Variants in ZC3H3 observed in about 807,000 individuals in gnomAD.
The protein encoded by ZC3H3 is zinc finger CCCH domain-containing protein 3.
A neutral mutation model predicts 77.3 loss-of-function variants in ZC3H3; 36 were observed. The observed-to-expected ratio is 0.47, with a 90% CI of 0.36 to 0.61. ZC3H3 has a LOEUF of 0.61. Ranked by LOEUF, ZC3H3 falls within the 20% of genes least tolerant of loss-of-function variation. The pLI, the probability that ZC3H3 is intolerant of heterozygous loss-of-function variation, is 0.00. For missense variants in ZC3H3, 1,331 were observed against 1,312.2 expected, an observed-to-expected ratio of 1.01 and a Z score of -0.22; for synonymous variants, 626 against 555.2, an observed-to-expected ratio of 1.13 and a Z score of -1.79.
rs754359844 is a variant in ZC3H3, at chr8:143,441,071, G to A, written c.2357C>T (p.Ala786Val). The change falls in exon 10 of 12, where the codon GCG becomes GTG. Residue 786 changes from alanine (A) to valine (V), a missense_variant. By Grantham distance (64) the Ala-to-Val change is moderately conservative. Around this residue, in one of 3 missense-constraint regions of ZC3H3, gnomAD observed 249 missense variants for 236.9 expected, o/e 1.05. Coordinates refer to ENST00000262577, the MANE Select transcript of ZC3H3 (RefSeq NM_015117.3). ...CTGGCACTGGGCGCCGCGGGGACAC[G>A]CCCCCCTGCGGGCAAAGTCGGGGCA... ...LLCPDFARRG[A>V]CPRGAQCQLL... The A allele has an allele frequency of 7.5e-6, 11 of 1,470,214 alleles. No homozygotes were observed. The highest frequency in any genetic ancestry group is 1.7e-4 in the Middle Eastern group (1 of 5,722). The allele number at this position is 1,470,214 out of a possible 1,614,324, so 91.1% of individuals were successfully genotyped here.
At chr8:143,501,107 G>A (rs755413857) in intron 4 of ZC3H3, among the ~76,000 whole-genome samples, 11 of 150,134 alleles carry the variant, frequency 7.3e-5, no homozygotes, top group Non-Finnish European at 1.5e-4. Flanking sequence ...GTGAGCCACT[G>A]CACCCGGCCA....
intron 4 of ZC3H3, among the ~76,000 whole-genome samples, chr8:143,495,206 A>C (rs1038214085): frequency 6.6e-6 from 1 of 152,230 alleles, no homozygotes; most frequent in Non-Finnish European, 1.5e-5. Context: ...CGGAACAAGA[A>C]AGGAAGGCTC....
intron 1 of ZC3H3, among the ~76,000 whole-genome samples, chr8:143,540,038 C>G (rs111578954): frequency 3.3e-5 from 5 of 152,320 alleles, no homozygotes; most frequent in South Asian, 2.1e-4. Context: ...GCCCTGCCCC[C>G]GGGGGCACAG....
chr8:143,519,959 A>T (rs926933825), intron 3 of ZC3H3, among the ~76,000 whole-genome samples: 1 of 150,476 alleles, frequency 6.6e-6, no homozygotes, highest in African/African-American at 2.4e-5. Flanking sequence ...GACGCAAACC[A>T]CCCCCCAGCC....
chr8:143,531,860 G>A (rs1035485718), intron 3 of ZC3H3, among the ~76,000 whole-genome samples: 1 of 152,160 alleles, frequency 6.6e-6, no homozygotes, highest in Admixed American at 6.5e-5. Flanking sequence ...TCTTTCGCAC[G>A]GGTAAATGTT....
chr8:143,528,745 G>A (rs1035170109), intron 3 of ZC3H3, among the ~76,000 whole-genome samples: 1 of 152,188 alleles, frequency 6.6e-6, no homozygotes, highest in African/African-American at 2.4e-5. Context: ...CGCTAAGCAT[G>A]GTGACTGCCC....
intron 3 of ZC3H3, among the ~76,000 whole-genome samples, chr8:143,528,454 G>A (rs564512204): frequency 4.1e-4 from 63 of 152,300 alleles, no homozygotes; most frequent in Non-Finnish European, 6.6e-4. Context: ...TTCCATCCAC[G>A]GCCAGCCTCC....
At chr8:143,540,661 A>C (rs1319761115) in intron 1 of ZC3H3, among the ~76,000 whole-genome samples, 1 of 151,906 alleles carries the variant, frequency 6.6e-6, no homozygotes, top group Non-Finnish European at 1.5e-5. Context: ...GGGGCATCAA[A>C]ACCGGGCGTC....
At chr8:143,448,613 T>G (rs1819916524) in intron 9 of ZC3H3, among the ~76,000 whole-genome samples, 1 of 152,218 alleles carries the variant, frequency 6.6e-6, no homozygotes, top group African/African-American at 2.4e-5. Flanking sequence ...CTCTGCAGGG[T>G]TCAGCCCCCA....
At chr8:143,473,390 T>C (rs1820634557) in intron 5 of ZC3H3, among the ~76,000 whole-genome samples, 1 of 152,166 alleles carries the variant, frequency 6.6e-6, no homozygotes, top group African/African-American at 2.4e-5. Flanking sequence ...TCTGCGTATT[T>C]ACACCTGTGG....
At chr8:143,456,303 A>C (rs1276216773) in intron 9 of ZC3H3, among the ~76,000 whole-genome samples, 3 of 152,208 alleles carry the variant, frequency 2.0e-5, no homozygotes, top group Non-Finnish European at 2.9e-5. Flanking sequence ...AAGCCCTAAT[A>C]TAGCAATAAC....
chr8:143,536,135 G>A (rs1822787450), intron 3 of ZC3H3, 122 bp downstream of exon 3: 1 of 1,233,854 alleles, frequency 8.1e-7, no homozygotes, highest in Non-Finnish European at 1.1e-6. Flanking sequence ...GCCAGGCAGT[G>A]CCCTCCCAGC....
rs10108410 is a variant in ZC3H3 at position 143,462,883 on chromosome 8, G to A, written c.2307+2834C>T. Among the ~76,000 whole-genome samples the A allele has an allele frequency of 0.37, 56,991 of 152,050 alleles. 11,150 individuals are homozygous for A. Among genetic ancestry groups the A allele is most frequent in the Middle Eastern group, 0.44 (130 of 294 alleles). On this transcript the variant is annotated intron_variant, in intron 9 of 11. Transcript: ENST00000262577. This position sits in a 1 kb window ranked among gnomAD's most constrained non-coding sequence, Gnocchi z 4.7. Reference sequence around the variant, plus strand: ...CCTAGCTGCAACAAGCACACGCAGCGCCCAGACCCTGAGTCCTAAACACAC... The same window carrying A: ...CCTAGCTGCAACAAGCACACGCAGCACCCAGACCCTGAGTCCTAAACACAC...
intron 4 of ZC3H3, among the ~76,000 whole-genome samples, chr8:143,505,634 T>A (rs1163326456): frequency 2.0e-5 from 3 of 151,508 alleles, no homozygotes; most frequent in Non-Finnish European, 4.4e-5. Context: ...TGGCAAGGAG[T>A]GGAACAGGAC....
chr8:143,499,702 G>A (rs1821466179), intron 4 of ZC3H3, among the ~76,000 whole-genome samples: 1 of 152,142 alleles, frequency 6.6e-6, no homozygotes, highest in Non-Finnish European at 1.5e-5. Flanking sequence ...GCACCGGGCA[G>A]CAAGGATACA....
chr8:143,500,673 T>C (rs369106677), intron 4 of ZC3H3, among the ~76,000 whole-genome samples: 8 of 152,174 alleles, frequency 5.3e-5, no homozygotes, highest in Admixed American at 2.0e-4. Context: ...GTGCCTGAGA[T>C]TGAGAGGCAA....
intron 3 of ZC3H3, among the ~76,000 whole-genome samples, 195 bp downstream of exon 3, chr8:143,536,062 G>A (rs10101193): frequency 6.6e-6 from 1 of 152,056 alleles, no homozygotes; most frequent in Non-Finnish European, 1.5e-5. Flanking sequence ...ACATCCCACA[G>A]CCAGACTGCA....
chr8:143,501,953 G>A (rs968156141), intron 4 of ZC3H3, among the ~76,000 whole-genome samples: 10 of 152,252 alleles, frequency 6.6e-5, no homozygotes, highest in African/African-American at 2.4e-4. Context: ...GCGTGAGGAC[G>A]CAGGGCCTTC....
At chr8:143,541,312 G>A (rs1398024270) in intron 1 of ZC3H3, 64 bp downstream of exon 1, 110 of 1,598,638 alleles carry the variant, frequency 6.9e-5, no homozygotes, top group Non-Finnish European at 8.5e-5. Flanking sequence ...CAAGGGGGCA[G>A]GGGACCCGCC....
Sources: gnomAD v4.1 joint callset for allele counts (sites outside exome capture counted in the v4.1 genomes callset) on GRCh38, gnomAD v4.1.1 for gene constraint, gnomAD v4.1.1 regional missense constraint, Gnocchi (gnomAD v3.1) non-coding constraint, MANE v1.5 for transcripts, NCBI Gene and HGNC (gene_info 2026-07-23, HGNC 2026-07-21) for gene names.